CFAP44: variants seen among roughly 807,000 people sequenced by gnomAD.
CFAP44 encodes the protein cilia- and flagella-associated protein 44.
CFAP44 carries 134 observed loss-of-function variants against 216.2 expected under a neutral mutation model. The ratio of observed to expected loss-of-function variants is 0.62; its 90% confidence interval spans 0.54 to 0.72. The LOEUF is 0.72. CFAP44 is among the 30% of genes least tolerant of loss of function. The probability of loss-of-function intolerance (pLI) is 0.00; values close to 1 mark genes in which losing one functional copy is unlikely to be tolerated. For missense variants in CFAP44, 2,035 were observed against 2,182.1 expected (o/e 0.93, Z 1.34); for synonymous variants, 700 against 727.6 (o/e 0.96, Z 0.61).
At chr3:113,382,206 GA>G (rs1456012314) in intron 15 of CFAP44, among the ~76,000 whole-genome samples, 1 of 152,180 alleles carries the variant, frequency 6.6e-6, no homozygotes, top group East Asian at 1.9e-4. Context: ...AGGAGACTGA[GA>G]AAGAATGACA....
chr3:113,424,700 A>G (rs1934912209), intron 4 of CFAP44, among the ~76,000 whole-genome samples: 1 of 152,190 alleles, frequency 6.6e-6, no homozygotes, highest in African/African-American at 2.4e-5. Flanking sequence ...AAGTGGGGTA[A>G]GCTACTTTGT....
chr3:113,394,068 G>A (rs773780647), intron 15 of CFAP44, among the ~76,000 whole-genome samples: 26 of 152,034 alleles, frequency 1.7e-4, no homozygotes, highest in Non-Finnish European at 3.1e-4. Flanking sequence ...AGATTTACAG[G>A]AAGTTGAAAA....
intron 6 of CFAP44, among the ~76,000 whole-genome samples, chr3:113,413,721 G>A (rs1172839509): frequency 1.3e-5 from 2 of 152,060 alleles, no homozygotes; most frequent in African/African-American, 2.4e-5. Context: ...TGGTCTATAT[G>A]TCTGTTTTGG....
intron 17 of CFAP44, among the ~76,000 whole-genome samples, chr3:113,379,105 T>A (rs577101586): frequency 8.5e-5 from 13 of 152,246 alleles, no homozygotes; most frequent in African/African-American, 3.1e-4. Flanking sequence ...ATAAAAGAGA[T>A]GTTAAGATTA....
chr3:113,366,188 T>C lies in CFAP44; in HGVS notation c.2566A>G (p.Asn856Asp). The C allele has an allele frequency of 1.2e-6, 2 of 1,614,082 alleles. No individual in the cohort carries two copies. The highest frequency in any genetic ancestry group is 8.5e-7 in the Non-Finnish European group (1 of 1,179,990). Residue 856 changes from asparagine to aspartate, a missense_variant, in exon 19 of 35, where the codon AAT becomes GAT. Asn to Asp is a conservative substitution (Grantham distance 23, BLOSUM62 1). Transcript: ENST00000393845. ...ATACTTTTAATACATCCATAATTAT[T>C]GTCATGCATATTGAAGTGCCAGTAG... is the stretch of plus-strand genomic sequence containing the variant. The part of the protein sequence containing the change: ...VDYWHFNMHD[N>D]NYGCIKSIAN...
intron 4 of CFAP44, among the ~76,000 whole-genome samples, chr3:113,420,933 T>C (rs1031381754): frequency 2.0e-5 from 3 of 152,188 alleles, no homozygotes; most frequent in Non-Finnish European, 2.9e-5. Context: ...AGTGTGTGTG[T>C]ATATGTATGT....
intron 18 of CFAP44, among the ~76,000 whole-genome samples, chr3:113,372,111 A>G: frequency 6.6e-6 from 1 of 152,214 alleles, no homozygotes; most frequent in Non-Finnish European, 1.5e-5. Context: ...AGAAATAGGA[A>G]TGCTTTTACA....
In CFAP44 at chr3:113,360,884, G is replaced by A. The variant is rs183792481; in HGVS notation, c.2935-2009C>T. On this transcript the variant is annotated intron_variant, in intron 21 of 34. Transcript: ENST00000393845. ...TTGATACAAGATTCTCTTTTTGTGT[G>A]GTGGAAACTGGCTCTCTTGGGGAAG... is the stretch of plus-strand genomic sequence containing the variant. 427 of 194,732 alleles carry A rather than the reference G, an allele frequency of 2.2e-3. 3 individuals carry two copies. Among genetic ancestry groups the A allele is most frequent in the African/African-American group, 9.3e-3 (391 of 41,862 alleles). The allele number at this position is 194,732 out of a possible 1,614,324, so 12.1% of individuals were successfully genotyped here.
chr3:113,437,975 T>C (rs767261115), intron 1 of CFAP44, among the ~76,000 whole-genome samples: 2 of 152,192 alleles, frequency 1.3e-5, no homozygotes, highest in Non-Finnish European at 2.9e-5. Flanking sequence ...GGTAGAGTTG[T>C]TGTAAATATT....
intron 25 of CFAP44, among the ~76,000 whole-genome samples, chr3:113,330,933 G>T (rs539693442): frequency 6.6e-6 from 1 of 152,008 alleles, no homozygotes; most frequent in Admixed American, 6.6e-5. Context: ...CAGCTGGCTC[G>T]TGTGGCTGAG....
chr3:113,415,886 T>A (rs1346950550), intron 6 of CFAP44, among the ~76,000 whole-genome samples: 1 of 152,172 alleles, frequency 6.6e-6, no homozygotes, highest in Non-Finnish European at 1.5e-5. Context: ...GTCCACTTGA[T>A]CCAGAGTTGA....
At chr3:113,358,310 A>T (rs924703059) in intron 22 of CFAP44, among the ~76,000 whole-genome samples, 2 of 152,096 alleles carry the variant, frequency 1.3e-5, no homozygotes, top group African/African-American at 2.4e-5. Flanking sequence ...TATGTAAATT[A>T]TATCTCAGTA....
chr3:113,401,335 A>C (rs1203839784), intron 10 of CFAP44, 48 bp from the exon 11 acceptor site: 1 of 1,502,910 alleles, frequency 6.7e-7, no homozygotes, highest in Non-Finnish European at 9.0e-7. Flanking sequence ...AACTTTCATC[A>C]GATTTTTTAA....
chr3:113,415,502 T>A (rs1441003283), intron 6 of CFAP44, among the ~76,000 whole-genome samples: 2 of 152,228 alleles, frequency 1.3e-5, no homozygotes, highest in Non-Finnish European at 2.9e-5. Context: ...GGGTATTTAG[T>A]GCTATAAAAT....
rs1325995420 is a variant in CFAP44 at position 113,306,265 on chromosome 3, GCCT to G, written c.4691_4693del (p.Glu1564del). The G allele has an allele frequency of 2.6e-6, 4 of 1,536,640 alleles. No homozygotes were observed. The African/African-American group carries it at 5.5e-5, about 21-fold the overall frequency. On this transcript the variant is annotated inframe_deletion, in exon 30 of 35. Transcript: ENST00000393845. ...AACAATTTTCTTTTCTTCAACTAAA[GCCT>G]CCTCAATGTCCAGCCTTTTCTCTCG...
At chr3:113,334,639 T>C (rs1035308538) in intron 24 of CFAP44, among the ~76,000 whole-genome samples, 16 of 152,102 alleles carry the variant, frequency 1.1e-4, no homozygotes, top group African/African-American at 3.9e-4. Context: ...ATGCTAGATA[T>C]ATTTAGCAAA....
intron 6 of CFAP44, among the ~76,000 whole-genome samples, chr3:113,415,251 T>C (rs78454923): frequency 0.25 from 37,642 of 151,910 alleles, 5,397 homozygotes; most frequent in East Asian, 0.58. Flanking sequence ...ATTCTTCTCT[T>C]CCTTCTTCCT....
At chr3:113,381,276 G>A (rs2129433) in intron 15 of CFAP44, among the ~76,000 whole-genome samples, 50,981 of 151,826 alleles carry the variant, frequency 0.34, 8,963 homozygotes, top group East Asian at 0.57. Context: ...AGTGATTAAA[G>A]ATTAATAATT....
At chr3:113,409,006 C>CAAAAAAAAAAAAAAAA (rs56301009) in intron 7 of CFAP44, 100 bp downstream of exon 7, 1 of 295,034 alleles carries the variant, frequency 3.4e-6, no homozygotes, top group African/African-American at 3.6e-5. Flanking sequence ...ACCAAAACAG[C>CAAAAAAAAAAAAAAAA]AAAAAAAAAA....
Sources: gnomAD v4.1 joint callset for allele counts (sites outside exome capture counted in the v4.1 genomes callset) on GRCh38, gnomAD v4.1.1 for gene constraint, MANE v1.5 for transcripts, NCBI Gene and HGNC (gene_info 2026-07-23, HGNC 2026-07-21) for gene names.